The following KDM3A variants were observed in gnomAD, a reference collection of about 807,000 sequenced individuals.
KDM3A encodes lysine demethylase 3A.
KDM3A carries 60 observed loss-of-function variants against 158.0 expected under a neutral mutation model. The ratio of observed to expected loss-of-function variants is 0.38; its 90% CI spans 0.31 to 0.47. KDM3A has a LOEUF of 0.47. Among genes scored for constraint, KDM3A ranks in the 20% least tolerant of loss-of-function variants. The pLI, the probability that KDM3A is intolerant of heterozygous loss-of-function variation, is 0.99. For synonymous variants in KDM3A, 608 were observed against 549.3 expected, an observed-to-expected ratio of 1.11 and a Z score of -1.49; for missense variants, 1,319 against 1,574.3, an observed-to-expected ratio of 0.84 and a Z score of 2.74.
chr2:86,483,814 GTTGGAGGTGCT>G, intron 18 of KDM3A, 162 bp from the exon 19 acceptor site: 1 of 552,070 alleles, frequency 1.8e-6, no homozygotes, highest in Non-Finnish European at 3.2e-6. Flanking sequence ...AATGGTGAAG[GTTGGAGGTGCT>G]TTGGGAGCTC....
At chr2:86,482,326 G>A in intron 17 of KDM3A, 132 bp from the exon 18 acceptor site, 3 of 1,427,490 alleles carry the variant, frequency 2.1e-6, no homozygotes, top group Non-Finnish European at 1.9e-6. Flanking sequence ...TGGGGACAGG[G>A]GACGTACCTT....
chr2:86,467,010 T>A, intron 10 of KDM3A, 127 bp downstream of exon 10: 1 of 784,014 alleles, frequency 1.3e-6, no homozygotes, highest in Non-Finnish European at 1.9e-6. Flanking sequence ...TCAGAAAAGT[T>A]GAAAGAAGGT....
At chr2:86,485,467 G>C (rs1674135152) in intron 20 of KDM3A, among the ~76,000 whole-genome samples, 1 of 152,172 alleles carries the variant, frequency 6.6e-6, no homozygotes, top group African/African-American at 2.4e-5. Flanking sequence ...ATATCTCTAA[G>C]AATAACTTTT....
At chr2:86,460,996 T>C (rs1202800103) in intron 8 of KDM3A, among the ~76,000 whole-genome samples, 1 of 152,344 alleles carries the variant, frequency 6.6e-6, no homozygotes, top group Non-Finnish European at 1.5e-5. Context: ...TAAGTTGTGC[T>C]AATTCTAACA....
At chr2:86,451,374 A>T (rs144968911) in intron 4 of KDM3A, among the ~76,000 whole-genome samples, 161 bp downstream of exon 4, 1 of 152,144 alleles carries the variant, frequency 6.6e-6, no homozygotes, top group Admixed American at 6.5e-5. Context: ...TCCAAACTCT[A>T]CTAATAGCTT....
Position 86,480,169 on chromosome 2 carries a change from T to A in KDM3A, c.2319T>A (p.Thr773=). The A allele has an allele frequency of 1.9e-6, 3 of 1,612,018 alleles. No homozygotes were observed. Among genetic ancestry groups the A allele is most frequent in the Non-Finnish European group, 2.5e-6 (3 of 1,179,494 alleles). ...KPASKEDLKQ[T]SLAGEKPTLG... ...TCGTCCTTTAATGCTTAACACAGACTTCTTTAGCTGGAGAAAAACCGACTC... is the reference window on the plus strand; with the variant it reads ...TCGTCCTTTAATGCTTAACACAGACATCTTTAGCTGGAGAAAAACCGACTC... The change falls in exon 16 of 26, where the codon ACT becomes ACA. Residue 773 remains threonine, a splice_region_variant and synonymous_variant. Transcript: ENST00000312912.
chr2:86,458,805 G>T (rs1009794313), intron 8 of KDM3A, among the ~76,000 whole-genome samples: 4 of 152,166 alleles, frequency 2.6e-5, no homozygotes, highest in African/African-American at 7.2e-5. Flanking sequence ...TGCAGATGAA[G>T]AGGGGGTGTC....
At chr2:86,480,926 A>C (rs1031552307) in intron 16 of KDM3A, among the ~76,000 whole-genome samples, 1 of 152,238 alleles carries the variant, frequency 6.6e-6, no homozygotes, top group Admixed American at 6.5e-5. Context: ...CCAATCATCA[A>C]TACTGCTCAT....
chr2:86,484,955 T>A lies in KDM3A; in HGVS notation c.3108T>A (p.Asn1036Lys). 1 of 1,604,598 alleles carries A rather than the reference T, an allele frequency of 6.2e-7. No individual in the cohort carries two copies. Among genetic ancestry groups the A allele is most frequent in the African/African-American group, 1.3e-5 (1 of 74,792 alleles). Residue 1036 changes from asparagine to lysine, a missense_variant, in exon 20 of 26, where the codon AAT (asparagine) becomes AAA (lysine). Around this residue, in one of 4 missense-constraint regions of KDM3A, gnomAD observed 368 missense variants for 415.8 expected, o/e 0.89. Transcript: ENST00000312912. ...GFEDVPNRLK[N>K]EKEPMVLKLK... ...TTTACCTTTCAGATCGTTTGAAAAA[T>A]GAAAAAGAACCAATGGTGTTGAAAC... is the stretch of plus-strand genomic sequence containing the variant.
At position 86,464,210 on chromosome 2, in the gene KDM3A, C is replaced by T. The variant is rs1673040487; in HGVS notation, c.1001C>T (p.Pro334Leu). 1 of 1,598,610 alleles carries T rather than the reference C, an allele frequency of 6.3e-7. No homozygotes were observed. The stretch of plus-strand genomic sequence containing the variant: ...CCACCTAACCTTGGAGCAAAAATTC[C>T]TCAAGGGTGAGTAGTGATTTGTTAA... The part of the protein sequence containing the change: ...NSPPNLGAKI[P>L]QGCHKQSLPE... The change falls in exon 9 of 26, where the codon CCT becomes CTT. Residue 334 changes from proline (P) to leucine (L), a missense_variant. Around this residue, in one of 4 missense-constraint regions of KDM3A, gnomAD observed 652 missense variants for 627.2 expected, o/e 1.04. Transcript: ENST00000312912.
chr2:86,491,419 C>G, intron 25 of KDM3A, 144 bp downstream of exon 25: 2 of 719,196 alleles, frequency 2.8e-6, no homozygotes, highest in Non-Finnish European at 4.7e-6. Flanking sequence ...ATATCTAGTA[C>G]TACTATCTAC....
chr2:86,490,902 GA>G lies in KDM3A; in HGVS notation c.3599del (p.Asn1200ThrfsTer15). ...LKKVSEEQGQ[E>X]NPADHDPIHD... ...CTAGGTATCAGAAGAGCAAGGTCAA[GA>G]AAACCCAGCAGACCACGATCCTATT... is the stretch of plus-strand genomic sequence containing the variant. On this transcript the variant is annotated frameshift_variant, in exon 24 of 26. Transcript: ENST00000312912. LOFTEE classifies it high-confidence loss of function. The G allele has an allele frequency of 6.2e-7, 1 of 1,611,884 alleles. No homozygotes were observed. The highest frequency in any genetic ancestry group is 8.5e-7 in the Non-Finnish European group (1 of 1,179,242).
intron 25 of KDM3A, chr2:86,491,513 G>A (rs1214687770): frequency 5.8e-6 from 3 of 513,014 alleles, no homozygotes; most frequent in Non-Finnish European, 1.1e-5. Context: ...TCCCCACAGA[G>A]AAAGGCCTTA....
chr2:86,490,803 A>G, intron 23 of KDM3A, 78 bp from the exon 24 acceptor site: 1 of 1,094,872 alleles, frequency 9.1e-7, no homozygotes, highest in Non-Finnish European at 1.3e-6. Flanking sequence ...TGAACTGCCA[A>G]CACTGTTTAG....
Position 86,447,399 on chromosome 2 carries a change from T to C in KDM3A, c.187-2408T>C, listed in dbSNP as rs374573006. Among the ~76,000 whole-genome samples the C allele has an allele frequency of 5.9e-5, 9 of 151,898 alleles. No individual in the cohort carries two copies. In the East Asian group the frequency reaches 1.7e-3, roughly 29 times the overall value. ...TTAGATAGTGATCTGGTAAGAACTG[T>C]GATGTTGCTTAAGTTTTGGGAAACC... On this transcript the variant is annotated intron_variant, in intron 2 of 25. Coordinates refer to ENST00000312912, the MANE Select transcript of KDM3A (RefSeq NM_018433.6).
At chr2:86,456,416 A>ATTTTC in intron 5 of KDM3A, 26 bp from the exon 6 acceptor site, 1 of 1,057,624 alleles carries the variant, frequency 9.5e-7, no homozygotes. Context: ...TTGCTCTAAG[A>ATTTTC]TTTTTTTTTT....
chr2:86,448,619 A>G (rs1683046843), intron 2 of KDM3A, among the ~76,000 whole-genome samples: 1 of 152,152 alleles, frequency 6.6e-6, no homozygotes, highest in African/African-American at 2.4e-5. Flanking sequence ...GGTTTGTTTG[A>G]GGAAAGGATA....
chr2:86,478,470 G>T, intron 14 of KDM3A, 138 bp from the exon 15 acceptor site: 1 of 1,019,988 alleles, frequency 9.8e-7, no homozygotes, highest in African/African-American at 1.6e-5. Context: ...TGCATTTTGG[G>T]GAAGGCCTCT....
intron 20 of KDM3A, among the ~76,000 whole-genome samples, chr2:86,485,292 C>G (rs879694415): frequency 1.3e-5 from 2 of 152,196 alleles, no homozygotes; most frequent in African/African-American, 2.4e-5. Context: ...AAGAGGCTCA[C>G]TTTTTCTTAC....
Sources: gnomAD v4.1 joint callset for allele counts (sites outside exome capture counted in the v4.1 genomes callset) on GRCh38, gnomAD v4.1.1 for gene constraint, gnomAD v4.1.1 regional missense constraint, MANE v1.5 for transcripts, NCBI Gene and HGNC (gene_info 2026-07-23, HGNC 2026-07-21) for gene names.